The following TJP2 variants were observed in gnomAD, a reference collection of about 807,000 sequenced individuals.
The protein encoded by TJP2 is Friedreich ataxia region gene X104 (tight junction protein ZO-2).
A neutral mutation model predicts 133.1 loss-of-function variants in TJP2; 91 were observed. The observed-to-expected ratio is 0.68, with a 90% CI of 0.58 to 0.81. TJP2 has a LOEUF of 0.81. Among genes scored for constraint, TJP2 ranks in the 40% least tolerant of loss-of-function variants. The pLI, the probability that TJP2 is intolerant of heterozygous loss-of-function variation, is 0.00. For missense variants in TJP2, 1,541 were observed against 1,565.6 expected, an observed-to-expected ratio of 0.98 and a Z score of 0.26; for synonymous variants, 592 against 583.4, an observed-to-expected ratio of 1.01 and a Z score of -0.21.
rs764678803 is a variant in TJP2 at position 69,221,362 on chromosome 9, C to T, written c.818C>T (p.Ala273Val). The change falls in exon 5 of 23, where the codon GCC becomes GTC. Residue 273 changes from alanine to valine, a missense_variant. Ala to Val is a moderately conservative substitution (Grantham distance 64). Transcript: ENST00000377245. Reference protein sequence around the residue: ...RAYSPEYRRGARHDARSRGPR... With the variant: ...RAYSPEYRRGVRHDARSRGPR... ...TACAGCCCGGAGTACAGGCGCGGGG[C>T]CCGCCACGATGCCCGCTCTCGGGGA... 22 of 1,584,680 alleles carry T rather than the reference C, an allele frequency of 1.4e-5. No homozygotes were observed. The highest frequency in any genetic ancestry group is 2.3e-5 in the East Asian group (1 of 43,230).
chr9:69,138,184 A>G (rs1822858560), intron 1 of TJP2, among the ~76,000 whole-genome samples: 1 of 152,236 alleles, frequency 6.6e-6, no homozygotes. Flanking sequence ...CAGACCCTCC[A>G]TGCTGTCTGG....
intron 1 of TJP2, among the ~76,000 whole-genome samples, chr9:69,174,789 C>G (rs1401182713): frequency 6.6e-6 from 1 of 152,068 alleles, no homozygotes; most frequent in Non-Finnish European, 1.5e-5. Context: ...CTATTTCAAA[C>G]CACACTCGGT....
chr9:69,165,643 A>T (rs1209258163), intron 2 of TJP2, among the ~76,000 whole-genome samples: 3 of 152,182 alleles, frequency 2.0e-5, no homozygotes, highest in South Asian at 4.1e-4. Context: ...TTCTCAGTGG[A>T]GGGCTAACAA....
chr9:69,138,785 A>G (rs1203840993), intron 1 of TJP2, among the ~76,000 whole-genome samples: 1 of 152,024 alleles, frequency 6.6e-6, no homozygotes, highest in Non-Finnish European at 1.5e-5. Flanking sequence ...GGCATGGTGG[A>G]GCATGCCTGT....
chr9:69,156,536 T>A (rs1446178148), intron 2 of TJP2, among the ~76,000 whole-genome samples: 1 of 142,286 alleles, frequency 7.0e-6, no homozygotes. Flanking sequence ...TTTTTTTTTT[T>A]TTTTTTTTTT....
intron 1 of TJP2, among the ~76,000 whole-genome samples, chr9:69,143,312 A>G (rs1222913126): frequency 6.6e-6 from 1 of 152,226 alleles, no homozygotes; most frequent in Non-Finnish European, 1.5e-5. Flanking sequence ...ACAGCTTCCA[A>G]TGGGTAACAA....
At position 69,220,243 on chromosome 9, in the gene TJP2, TAATAC is replaced by T. The variant is rs1264948773; in HGVS notation, c.343-642_343-638del. 3.3e-5 allele frequency among the ~76,000 whole-genome samples: 5 copies of T among 152,226 alleles called. No individual in the cohort carries two copies. The East Asian group carries it at 9.6e-4, about 29-fold the overall frequency. ...AGTTATAGGGTATGTGTGATTAATT[TAATAC>T]ATTAATATGATTTGTAAAATTCAGA... is the stretch of plus-strand genomic sequence containing the variant. On this transcript the variant is annotated intron_variant, in intron 4 of 22. Coordinates refer to ENST00000377245, the MANE Select transcript of TJP2 (RefSeq NM_004817.4).
intron 17 of TJP2, among the ~76,000 whole-genome samples, chr9:69,241,462 ATGAT>A (rs1464184033): frequency 1.3e-5 from 2 of 152,180 alleles, no homozygotes; most frequent in Non-Finnish European, 2.9e-5. Flanking sequence ...GAAGGGGTGA[ATGAT>A]TGTGTTCACA....
intron 5 of TJP2, among the ~76,000 whole-genome samples, chr9:69,221,862 AC>A (rs1828894899): frequency 1.1e-5 from 1 of 93,996 alleles, no homozygotes; most frequent in African/African-American, 5.0e-5. Flanking sequence ...AGGAATAGCT[AC>A]TTTTTTTTTT....
chr9:69,208,154 G>A (rs754900147), intron 1 of TJP2, among the ~76,000 whole-genome samples: 9 of 152,176 alleles, frequency 5.9e-5, no homozygotes, highest in African/African-American at 9.7e-5. Context: ...AATATACATA[G>A]TTATGGTGTA....
intron 1 of TJP2, among the ~76,000 whole-genome samples, chr9:69,137,300 T>TTTC (rs1477088753): frequency 7.7e-5 from 6 of 77,940 alleles, no homozygotes; most frequent in Admixed American, 1.3e-4. Flanking sequence ...TCTTTCTTTC[T>TTTC]TTTCTTTTCT....
At chr9:69,130,778 G>T (rs998998124) in intron 1 of TJP2, among the ~76,000 whole-genome samples, 1 of 152,160 alleles carries the variant, frequency 6.6e-6, no homozygotes, top group Non-Finnish European at 1.5e-5. Context: ...CTGCGAGGAA[G>T]AACAGAGCTG....
Position 69,205,338 on chromosome 9 carries a change from A to T in TJP2, c.61-7210A>T, listed in dbSNP as rs760136392. The T allele has an allele frequency of 6.7e-5, 102 of 1,514,578 alleles. No homozygotes were observed. In the African/African-American group the frequency reaches 1.3e-3, roughly 19 times the overall value. The allele number at this position is 1,514,578 out of a possible 1,614,324, so 93.8% of individuals were successfully genotyped here. On this transcript the variant is annotated intron_variant, in intron 1 of 22. Transcript: ENST00000377245. Reference sequence around the variant, plus strand: ...CAGTGAGTCCTTTATCCTCAGATTGATTTGTGCTTCTGGCATCTTTCAGCA... The same window carrying T: ...CAGTGAGTCCTTTATCCTCAGATTGTTTTGTGCTTCTGGCATCTTTCAGCA...
Position 69,227,973 on chromosome 9 carries a change from T to C in TJP2, c.1320-8T>C, listed in dbSNP as rs1185962677. The C allele has an allele frequency of 1.2e-6, 2 of 1,614,182 alleles. No individual in the cohort carries two copies. The highest frequency in any genetic ancestry group is 1.7e-6 in the Non-Finnish European group (2 of 1,180,022). On this transcript the variant is annotated splice_polypyrimidine_tract_variant and splice_region_variant and intron_variant, in intron 8 of 22. Coordinates refer to ENST00000377245, the MANE Select transcript of TJP2 (RefSeq NM_004817.4). ...TCTTGAGACATTTACGTATGACATG[T>C]GATTCAGTTCCAGAGAGGACACGCC...
intron 12 of TJP2, among the ~76,000 whole-genome samples, chr9:69,235,314 T>A: frequency 2.1e-5 from 1 of 47,942 alleles, no homozygotes; most frequent in East Asian, 3.1e-4. Flanking sequence ...TTTATTTATT[T>A]ATTTATTTAT....
chr9:69,129,963 C>T (rs1325900096), intron 1 of TJP2, among the ~76,000 whole-genome samples: 1 of 142,342 alleles, frequency 7.0e-6, no homozygotes, highest in African/African-American at 2.6e-5. Flanking sequence ...TGCAGTGAGC[C>T]AAGATCACGC....
intron 17 of TJP2, among the ~76,000 whole-genome samples, chr9:69,243,060 AC>A (rs1230063621): frequency 6.6e-6 from 1 of 151,866 alleles, no homozygotes; most frequent in African/African-American, 2.4e-5. Flanking sequence ...AACAGGGTTT[AC>A]CCATGTTGCC....
chr9:69,174,012 TGCCGCC>T (rs921504375), upstream of TJP2: 15 of 984,526 alleles, frequency 1.5e-5, no homozygotes, highest in Non-Finnish European at 1.8e-5. Flanking sequence ...GGGCTTCTCC[TGCCGCC>T]GCCGCCGCCT....
intron 1 of TJP2, among the ~76,000 whole-genome samples, chr9:69,150,567 G>A (rs924404085): frequency 1.4e-4 from 22 of 152,204 alleles, no homozygotes; most frequent in African/African-American, 5.1e-4. Flanking sequence ...CAAAGTGCTG[G>A]GATTACAGGC....
Sources: allele counts gnomAD v4.1 joint callset (sites outside exome capture counted in the v4.1 genomes callset), GRCh38; gene constraint gnomAD v4.1.1; transcripts MANE v1.5; gene names NCBI Gene and HGNC (gene_info 2026-07-23, HGNC 2026-07-21).